Variants in PCDHA6 observed in about 807,000 individuals in gnomAD.
PCDHA6 encodes the protein protocadherin alpha-6.
PCDHA6 carries 55 observed loss-of-function variants against 60.3 expected under a neutral mutation model. That is an observed-to-expected ratio of 0.91 (90% confidence interval 0.73 to 1.14). The LOEUF (loss-of-function observed/expected upper bound fraction) is 1.14, where lower values mean the gene tolerates loss of function less well. Ranked by LOEUF, PCDHA6 falls within the 50% of genes most tolerant of loss-of-function variation. The probability of loss-of-function intolerance (pLI) is 0.00; values close to 1 mark genes in which losing one functional copy is unlikely to be tolerated. For synonymous variants in PCDHA6, 652 were observed against 557.9 expected (o/e 1.17, Z -2.38); for missense variants, 1,327 against 1,256.5 (o/e 1.06, Z -0.85).
intron 2 of PCDHA6, among the ~76,000 whole-genome samples, chr5:140,981,701 C>A (rs546149642): frequency 5.3e-5 from 8 of 152,268 alleles, no homozygotes; most frequent in African/African-American, 1.9e-4. Context: ...TTCATTCATT[C>A]ATTCATTCAT....
At chr5:140,853,620 T>C (rs2042810253) in intron 1 of PCDHA6, 2 of 988,130 alleles carry the variant, frequency 2.0e-6, no homozygotes, top group African/African-American at 1.8e-5. Context: ...TGTAAATAAG[T>C]ATACAAGATC....
chr5:140,989,422 TG>T (rs1554250798), intron 3 of PCDHA6, among the ~76,000 whole-genome samples: 2 of 152,128 alleles, frequency 1.3e-5, no homozygotes, highest in African/African-American at 4.8e-5. Flanking sequence ...CTTCACTCTG[TG>T]GGAAAAATTG....
intron 1 of PCDHA6, chr5:140,968,899 A>G (rs782594245): frequency 6.2e-7 from 1 of 1,614,130 alleles, no homozygotes; most frequent in Non-Finnish European, 8.5e-7. Context: ...TAATAATAGC[A>G]TTAAGCACAG....
At chr5:140,883,018 G>A (rs1400637236) in intron 1 of PCDHA6, 4 of 1,614,086 alleles carry the variant, frequency 2.5e-6, no homozygotes, top group Admixed American at 1.7e-5. Flanking sequence ...ATAAAGTGAC[G>A]GTGTTAGAGA....
chr5:140,952,121 C>A (rs993598007), intron 1 of PCDHA6, among the ~76,000 whole-genome samples: 1 of 152,102 alleles, frequency 6.6e-6, no homozygotes, highest in Non-Finnish European at 1.5e-5. Context: ...GGGATGGGCT[C>A]CCAAGGCCTT....
At chr5:140,988,366 G>A (rs1384658783) in intron 3 of PCDHA6, among the ~76,000 whole-genome samples, 2 of 152,122 alleles carry the variant, frequency 1.3e-5, no homozygotes, top group Non-Finnish European at 2.9e-5. Flanking sequence ...TTACTTTCTG[G>A]GGTTGTGAAA....
chr5:141,000,421 A>ATTTTTTTT (rs34755515), intron 3 of PCDHA6, among the ~76,000 whole-genome samples: 2 of 27,968 alleles, frequency 7.2e-5, no homozygotes, highest in Admixed American at 6.5e-4. Context: ...ATATATATAT[A>ATTTTTTTT]TTTTTTTTTT....
chr5:140,835,582 C>T, intron 1 of PCDHA6: 1 of 1,613,912 alleles, frequency 6.2e-7, no homozygotes, highest in Non-Finnish European at 8.5e-7. Context: ...TTGGTGTCCA[C>T]CTTCAAGAAT....
At chr5:140,865,669 A>G (rs546524670) in intron 1 of PCDHA6, 4 of 152,306 alleles carry the variant, frequency 2.6e-5, no homozygotes, top group African/African-American at 9.6e-5. Flanking sequence ...ACTTATAACA[A>G]TTTCTAAAGT....
intron 1 of PCDHA6, among the ~76,000 whole-genome samples, chr5:140,846,792 C>A (rs1780678433): frequency 6.7e-6 from 1 of 149,422 alleles, no homozygotes. Context: ...TACTGAGCCC[C>A]AGCCCCTGGC....
chr5:140,892,304 G>A (rs1301333753), intron 1 of PCDHA6, among the ~76,000 whole-genome samples: 1 of 152,004 alleles, frequency 6.6e-6, no homozygotes, highest in East Asian at 1.9e-4. Context: ...AAATAATTTG[G>A]GGCTTATAAC....
chr5:140,989,197 C>T (rs2097332742), intron 3 of PCDHA6, among the ~76,000 whole-genome samples: 1 of 152,206 alleles, frequency 6.6e-6, no homozygotes, highest in Admixed American at 6.5e-5. Context: ...ACCCTCCCTT[C>T]TAGCTTTCTT....
rs2150465616 is a variant in PCDHA6, at chr5:140,850,062, T to C, written c.2394+19577T>C. ...CGGCAAGGTGTACGCGCTGCAGCCG[T>C]TGGACCACGAGGAGCTGGAGCTGCT... On this transcript the variant is annotated intron_variant, in intron 1 of 3. Transcript: ENST00000529310. 1.4e-4 allele frequency: 229 copies of C among 1,596,236 alleles called. 16 individuals are homozygous for C. The highest frequency in any genetic ancestry group is 1.1e-3 in the East Asian group (50 of 44,828).
intron 1 of PCDHA6, among the ~76,000 whole-genome samples, chr5:140,833,741 C>T (rs1772605198): frequency 8.1e-6 from 1 of 122,760 alleles, no homozygotes; most frequent in African/African-American, 3.1e-5. Context: ...TTCTTGCCTC[C>T]TAAAAAGAAA....
chr5:140,828,782 A>T lies in PCDHA6; in HGVS notation c.691A>T (p.Thr231Ser), dbSNP rs2150158879. ...ELTGTVQLLV[T>S]VLDVNDNAPT... The stretch of plus-strand genomic sequence containing the variant: ...CACAGGCACTGTTCAGCTGCTGGTC[A>T]CAGTGCTGGATGTGAATGATAATGC... Residue 231 changes from threonine (T) to serine (S), a missense_variant, in exon 1 of 4, where the codon ACA (threonine) becomes TCA (serine). Coordinates refer to ENST00000529310, the MANE Select transcript of PCDHA6 (RefSeq NM_018909.4). 14 of 1,614,250 alleles carry T rather than the reference A, an allele frequency of 8.7e-6. No homozygotes were observed. The highest frequency in any genetic ancestry group is 7.6e-6 in the Non-Finnish European group (9 of 1,180,032).
rs200196783 is a variant in PCDHA6 at position 140,849,807 on chromosome 5, A to C, written c.2394+19322A>C. On this transcript the variant is annotated intron_variant, in intron 1 of 3. Transcript: ENST00000529310. The stretch of plus-strand genomic sequence containing the variant: ...CGGGGGCTCGCCTTCACTGTGGGCC[A>C]CGGCCAGGGTGTCTGTGGAGGTGGC... 5.4e-5 allele frequency: 86 copies of C among 1,598,400 alleles called. 9 individuals are homozygous for C. The highest frequency in any genetic ancestry group is 6.8e-5 in the Non-Finnish European group (80 of 1,167,954).
At chr5:140,962,170 C>T (rs1326323755) in intron 1 of PCDHA6, among the ~76,000 whole-genome samples, 6 of 152,194 alleles carry the variant, frequency 3.9e-5, no homozygotes, top group South Asian at 4.1e-4. Context: ...CCACCACACC[C>T]GGCCACTTAT....
At chr5:140,910,850 A>G (rs1285161954) in intron 1 of PCDHA6, among the ~76,000 whole-genome samples, 1 of 152,168 alleles carries the variant, frequency 6.6e-6, no homozygotes, top group Non-Finnish European at 1.5e-5. Flanking sequence ...CCTTGGATCT[A>G]TGTTCCATCC....
At chr5:140,984,790 G>A (rs2097121430) in intron 3 of PCDHA6, among the ~76,000 whole-genome samples, 1 of 152,104 alleles carries the variant, frequency 6.6e-6, no homozygotes, top group Admixed American at 6.5e-5. Flanking sequence ...GGTGAGCATA[G>A]ACAAACTGCC....
Sources: gnomAD v4.1 joint callset for allele counts (sites outside exome capture counted in the v4.1 genomes callset) on GRCh38, gnomAD v4.1.1 for gene constraint, MANE v1.5 for transcripts, NCBI Gene and HGNC (gene_info 2026-07-23, HGNC 2026-07-21) for gene names.